The following LRP1B variants were observed in gnomAD, a reference collection of about 807,000 sequenced individuals.
LRP1B encodes LDL receptor related protein 1B, also known as low-density lipoprotein receptor-related protein 1B.
LRP1B carries 217 observed loss-of-function variants against 556.6 expected under a neutral mutation model. The observed-to-expected ratio is 0.39, with a 90% confidence interval of 0.35 to 0.44. The LOEUF (loss-of-function observed/expected upper bound fraction) is 0.44, where lower values mean the gene tolerates loss of function less well. Among genes scored for constraint, LRP1B ranks in the 20% least tolerant of loss-of-function variants. The pLI, the probability that LRP1B is intolerant of heterozygous loss-of-function variation, is 1.00. For synonymous variants in LRP1B, 2,047 were observed against 1,865.8 expected (o/e 1.10, Z -2.50); for missense variants, 5,053 against 5,620.8 (o/e 0.90, Z 3.23).
chr2:141,221,647 CT>C (rs1683046973), intron 6 of LRP1B, among the ~76,000 whole-genome samples: 1 of 152,198 alleles, frequency 6.6e-6, no homozygotes, highest in South Asian at 2.1e-4. Flanking sequence ...CCACATGGCA[CT>C]TGCTCTAAAA....
chr2:141,002,843 C>T (rs1266103303), intron 15 of LRP1B, among the ~76,000 whole-genome samples: 1 of 151,800 alleles, frequency 6.6e-6, no homozygotes, highest in Non-Finnish European at 1.5e-5. Context: ...AATTAACAAA[C>T]TAAATATAAA....
intron 87 of LRP1B, among the ~76,000 whole-genome samples, chr2:140,246,051 A>G (rs1681145848): frequency 1.3e-5 from 2 of 151,456 alleles, no homozygotes; most frequent in South Asian, 4.1e-4. Context: ...ATTAGGAAAA[A>G]TTGGACAATG....
At chr2:141,814,020 G>A (rs1473781197) in intron 1 of LRP1B, among the ~76,000 whole-genome samples, 3 of 152,144 alleles carry the variant, frequency 2.0e-5, no homozygotes, top group Admixed American at 1.3e-4. Flanking sequence ...GAACCAATTG[G>A]AGGCAGAAGT....
chr2:141,002,067 T>G (rs2105369700), intron 15 of LRP1B, among the ~76,000 whole-genome samples: 1 of 152,240 alleles, frequency 6.6e-6, no homozygotes, highest in Non-Finnish European at 1.5e-5. Flanking sequence ...GATAGGTTTC[T>G]TTCATTTCTG....
intron 2 of LRP1B, among the ~76,000 whole-genome samples, chr2:141,599,056 C>CT (rs1687634981): frequency 4.1e-5 from 1 of 24,180 alleles, no homozygotes; most frequent in Non-Finnish European, 7.3e-5. Context: ...CCCCCCCGCC[C>CT]CCCCCCCCCC....
intron 21 of LRP1B, among the ~76,000 whole-genome samples, chr2:140,920,684 G>A (rs1379007092): frequency 1.3e-5 from 2 of 151,940 alleles, no homozygotes; most frequent in Non-Finnish European, 2.9e-5. Flanking sequence ...TTCTGAAGTT[G>A]AATAAATTGT....
intron 43 of LRP1B, among the ~76,000 whole-genome samples, chr2:140,569,754 A>G (rs748607213): frequency 1.3e-5 from 2 of 151,910 alleles, no homozygotes; most frequent in Non-Finnish European, 3.0e-5. Flanking sequence ...TCTTTTCATG[A>G]GCACATGGGA....
chr2:140,647,543 T>C (rs1194648287), intron 41 of LRP1B, among the ~76,000 whole-genome samples: 4 of 152,172 alleles, frequency 2.6e-5, no homozygotes, highest in East Asian at 1.9e-4. Context: ...AACAGGGCTA[T>C]CCTGGGCACC....
chr2:141,359,751 G>T (rs1688751528), intron 3 of LRP1B, among the ~76,000 whole-genome samples: 1 of 142,392 alleles, frequency 7.0e-6, no homozygotes, highest in Admixed American at 7.1e-5. Context: ...GTGAGAATTC[G>T]GCCCCCGCGC....
chr2:142,064,378 A>T (rs948309030), intron 1 of LRP1B, among the ~76,000 whole-genome samples: 3 of 151,584 alleles, frequency 2.0e-5, no homozygotes, highest in African/African-American at 4.8e-5. Flanking sequence ...CTGTGGTTGC[A>T]TTCATGTGTG....
chr2:141,249,550 T>G (rs1363242848), intron 4 of LRP1B, among the ~76,000 whole-genome samples: 1 of 151,860 alleles, frequency 6.6e-6, no homozygotes. Flanking sequence ...TGAGTCGAGA[T>G]TGCACACTGC....
intron 66 of LRP1B, among the ~76,000 whole-genome samples, chr2:140,387,346 G>C (rs1368420013): frequency 1.3e-5 from 2 of 152,136 alleles, no homozygotes; most frequent in African/African-American, 4.8e-5. Context: ...CATCTATTGA[G>C]GATCCAGCCT....
intron 87 of LRP1B, among the ~76,000 whole-genome samples, chr2:140,240,787 T>A (rs532172909): frequency 1.1e-3 from 171 of 150,998 alleles, no homozygotes; most frequent in African/African-American, 3.7e-3. Flanking sequence ...ATTCTGAAAG[T>A]CTATGAATTT....
intron 3 of LRP1B, among the ~76,000 whole-genome samples, chr2:141,362,928 T>C (rs1478424420): frequency 1.3e-5 from 2 of 152,182 alleles, no homozygotes; most frequent in Admixed American, 1.3e-4. Context: ...GTAAAAATAT[T>C]AGTGCTTTAT....
rs368549271 is a variant in LRP1B at position 141,503,391 on chromosome 2, C to G, written c.206-22858G>C. Among the ~76,000 whole-genome samples the G allele has an allele frequency of 2.6e-5, 4 of 151,558 alleles. No homozygotes were observed. In the East Asian group the frequency reaches 7.7e-4, roughly 29 times the overall value. ...ACTACTTCTGATATTCCACTTATTTCCAACAGTTTCCAACCGTTGGTGATA... is the reference window on the plus strand; with the variant it reads ...ACTACTTCTGATATTCCACTTATTTGCAACAGTTTCCAACCGTTGGTGATA... On this transcript the variant is annotated intron_variant, in intron 2 of 90. Transcript: ENST00000389484.
intron 41 of LRP1B, among the ~76,000 whole-genome samples, chr2:140,668,084 G>A (rs1043435952): frequency 1.3e-5 from 2 of 151,916 alleles, no homozygotes; most frequent in African/African-American, 2.4e-5. Context: ...AGGCCGAGGC[G>A]GGTGGATCAC....
rs1553440025 is a variant in LRP1B, at chr2:141,639,349, T to TAC, written c.206-158818_206-158817dup. Among the ~76,000 whole-genome samples, 218 of 56,048 alleles carry TAC rather than the reference T, an allele frequency of 3.9e-3. 1 individual carries two copies. Among genetic ancestry groups the TAC allele is most frequent in the African/African-American group, 4.3e-3 (64 of 14,848 alleles). The allele number at this position is 56,048 out of a possible 152,430, so 36.8% of individuals were successfully genotyped here. On this transcript the variant is annotated intron_variant, in intron 2 of 90. Transcript: ENST00000389484. Reference sequence around the variant, plus strand: ...ATATATATATATATATATATATATATACACACACACACACATATATATATA... The same window carrying TAC: ...ATATATATATATATATATATATATATACACACACACACACACATATATATATA...
intron 33 of LRP1B, among the ~76,000 whole-genome samples, chr2:140,772,234 GA>G (rs1363768988): frequency 2.0e-5 from 3 of 151,292 alleles, no homozygotes; most frequent in Admixed American, 1.3e-4. Flanking sequence ...ACATTAAGAT[GA>G]AATTTTGTTT....
intron 3 of LRP1B, among the ~76,000 whole-genome samples, chr2:141,383,812 T>C (rs1689728873): frequency 6.6e-6 from 1 of 152,126 alleles, no homozygotes; most frequent in African/African-American, 2.4e-5. Context: ...GTCAAACTCA[T>C]AGAAGCAGAG....
Sources: gnomAD v4.1 joint callset for allele counts (sites outside exome capture counted in the v4.1 genomes callset) on GRCh38, gnomAD v4.1.1 for gene constraint, MANE v1.5 for transcripts, NCBI Gene and HGNC (gene_info 2026-07-23, HGNC 2026-07-21) for gene names.